PC: variants seen among roughly 807,000 people sequenced by gnomAD.
The protein encoded by PC is pyruvate carboxylase.
Under a neutral mutation model 107.8 loss-of-function variants are expected in PC, and 46 were observed. The observed-to-expected ratio is 0.43, with a 90% CI of 0.34 to 0.55. The LOEUF is 0.55. Ranked by LOEUF, PC falls within the 20% of genes least tolerant of loss-of-function variation. The pLI is 0.04. For missense variants in PC, 1,241 were observed against 1,643.1 expected (o/e 0.76, Z 4.23); for synonymous variants, 662 against 684.7 (o/e 0.97, Z 0.52).
In PC at chr11:66,873,349, TATATATTATATATA is replaced by T. The variant is rs1029403612; in HGVS notation, c.1-1204_1-1191del. On this transcript the variant is annotated intron_variant, in intron 3 of 22. Coordinates refer to ENST00000393960, the MANE Select transcript of PC (RefSeq NM_001040716.2). ...CAAGACTCCATCTTTAAAAAATATA[TATATATTATATATA>T]ATATATTATATATAAAATATAAAAT... Among the ~76,000 whole-genome samples, 14 of 115,358 alleles carry T rather than the reference TATATATTATATATA, an allele frequency of 1.2e-4. No homozygotes were observed. The South Asian group carries it at 1.8e-3, about 15-fold the overall frequency. The allele number at this position is 115,358 out of a possible 152,430, so 75.7% of individuals were successfully genotyped here.
rs1185043821 is a variant in PC at position 66,858,166 on chromosome 11, A to T, written c.1369-4783T>A. Reference sequence around the variant, plus strand: ...GGCCGCATCGCGCCGGGAGCCTTCGACGACTTCCTAGAGAGCCTGGAGGAC... The same window carrying T: ...GGCCGCATCGCGCCGGGAGCCTTCGTCGACTTCCTAGAGAGCCTGGAGGAC... On this transcript the variant is annotated intron_variant, in intron 12 of 22. Transcript: ENST00000393960. The surrounding 1 kb of genome is among the most constrained non-coding windows in gnomAD (Gnocchi z 5.9). The T allele has an allele frequency of 1.9e-6, 3 of 1,610,840 alleles. No individual in the cohort carries two copies. Among genetic ancestry groups the T allele is most frequent in the Non-Finnish European group, 2.5e-6 (3 of 1,178,820 alleles).
intron 3 of PC, among the ~76,000 whole-genome samples, chr11:66,930,739 C>CT (rs1164165321): frequency 3.4e-5 from 3 of 87,892 alleles, no homozygotes; most frequent in African/African-American, 1.3e-4. Context: ...AAGACTCTGT[C>CT]TTAAAAAAAA....
At chr11:66,885,770 C>A (rs1271730962) in intron 3 of PC, among the ~76,000 whole-genome samples, 1 of 152,152 alleles carries the variant, frequency 6.6e-6, no homozygotes, top group Non-Finnish European at 1.5e-5. Flanking sequence ...GAGAGCACGG[C>A]CCTGCTCACA....
intron 12 of PC, chr11:66,859,117 G>T: frequency 6.8e-7 from 1 of 1,476,094 alleles, no homozygotes. Context: ...CCCCACACCC[G>T]GCTGCACTCC....
chr11:66,918,707 G>T (rs573034096), intron 3 of PC, among the ~76,000 whole-genome samples: 2 of 152,048 alleles, frequency 1.3e-5, no homozygotes, highest in African/African-American at 4.8e-5. Context: ...TCTTTTTAGG[G>T]GTGTGGGTAT....
chr11:66,866,339 C>T lies in PC; in HGVS notation c.1033G>A (p.Val345Ile). 1.2e-6 allele frequency: 2 copies of T among 1,612,348 alleles called. No homozygotes were observed. Among genetic ancestry groups the T allele is most frequent in the Non-Finnish European group, 8.5e-7 (1 of 1,179,588 alleles). ...VTEEITDVDL[V>I]HAQIHVAEGR... ...TCAGCCACGTGGATCTGAGCATGGA[C>T]CAGGTCTACGCTGTAGGGCATTGGG... Residue 345 changes from valine (V) to isoleucine (I), a missense_variant, in exon 11 of 23, where the codon GTC becomes ATC. By Grantham distance (29) the Val-to-Ile change is conservative (BLOSUM62 3). Around this residue, in one of 2 missense-constraint regions of PC, gnomAD observed 1,143 missense variants for 1,551.9 expected, o/e 0.74. Transcript: ENST00000393960. This position sits in a 1 kb window ranked among gnomAD's most constrained non-coding sequence, Gnocchi z 5.4.
At chr11:66,865,683 C>T (rs1440960083) in intron 11 of PC, among the ~76,000 whole-genome samples, 2 of 152,164 alleles carry the variant, frequency 1.3e-5, no homozygotes, top group South Asian at 2.1e-4. Flanking sequence ...ATCTACCTCT[C>T]GGTCTCCCTC....
chr11:66,850,757 GCCACATCCA>G lies in PC; in HGVS notation c.2381_2389del (p.Val794_Val796del). On this transcript the variant is annotated inframe_deletion, in exon 18 of 23. Transcript: ENST00000393960. The stretch of plus-strand genomic sequence containing the variant: ...AGTCATCCCAGACATGGAATCAGCT[GCCACATCCA>G]CCACATCAGCTCCAGCCTGGGCACA... 1.9e-6 allele frequency: 3 copies of G among 1,611,410 alleles called. No homozygotes were observed. Among genetic ancestry groups the G allele is most frequent in the Non-Finnish European group, 2.5e-6 (3 of 1,179,942 alleles).
At position 66,872,025 on chromosome 11, in the gene PC, T is replaced by C; in HGVS notation, c.135A>G (p.Arg45=). Residue 45 remains arginine, a splice_region_variant and synonymous_variant, in exon 4 of 23, where the codon AGA becomes AGG. Coordinates refer to ENST00000393960, the MANE Select transcript of PC (RefSeq NM_001040716.2). ...CTCACCGGCCCCACTGGTGCTCACCTCTGTTGGCCACCATGACTTTCTTGA... is the reference window on the plus strand; with the variant it reads ...CTCACCGGCCCCACTGGTGCTCACCCCTGTTGGCCACCATGACTTTCTTGA... ...KPIKKVMVAN[R]GEIAIRVFRA... 3 of 1,559,668 alleles carry C rather than the reference T, an allele frequency of 1.9e-6. No homozygotes were observed. Among genetic ancestry groups the C allele is most frequent in the Non-Finnish European group, 1.7e-6 (2 of 1,151,688 alleles).
chr11:66,855,725 G>C (rs1945766710), intron 12 of PC, among the ~76,000 whole-genome samples: 2 of 152,210 alleles, frequency 1.3e-5, no homozygotes, highest in African/African-American at 4.8e-5. Flanking sequence ...CCAGTGAGTG[G>C]TGACAGAATG....
At chr11:66,931,384 G>GAAAAAAAAAAAA (rs60081578) in intron 3 of PC, among the ~76,000 whole-genome samples, 3 of 84,948 alleles carry the variant, frequency 3.5e-5, no homozygotes, top group Non-Finnish European at 4.6e-5. Context: ...TCCATCTCAA[G>GAAAAAAAAAAAA]AAAAAAAAAA....
intron 3 of PC, among the ~76,000 whole-genome samples, chr11:66,878,518 A>C (rs1163652666): frequency 2.6e-5 from 4 of 152,152 alleles, no homozygotes; most frequent in Admixed American, 2.6e-4. Context: ...AAAATGATGG[A>C]GTGCTGACAT....
At chr11:66,948,206 T>TA (rs905189971) in intron 3 of PC, among the ~76,000 whole-genome samples, 5,535 of 137,136 alleles carry the variant, frequency 0.04, 319 homozygotes, top group African/African-American at 0.14. Context: ...GACTCTGTCT[T>TA]AAAAAAAAAA....
intron 3 of PC, among the ~76,000 whole-genome samples, chr11:66,939,804 CAAA>C (rs56761659): frequency 2.7e-4 from 11 of 40,160 alleles, no homozygotes; most frequent in Non-Finnish European, 2.5e-4. Context: ...AACTCCGTCT[CAAA>C]AAAAAAAAAA....
At chr11:66,851,364 A>G (rs1945479304) in intron 16 of PC, 84 bp from the exon 17 acceptor site, 6 of 1,576,524 alleles carry the variant, frequency 3.8e-6, no homozygotes, top group Non-Finnish European at 5.2e-6. Flanking sequence ...GACCCACTCT[A>G]TGGCCCCTGG....
At chr11:66,913,594 G>A (rs1359159050) in intron 3 of PC, among the ~76,000 whole-genome samples, 6 of 151,454 alleles carry the variant, frequency 4.0e-5, no homozygotes, top group African/African-American at 1.5e-4. Context: ...CCTGGGAGGC[G>A]GAGGTTGCAG....
Position 66,868,852 on chromosome 11 carries a change from A to G in PC, c.1016T>C (p.Ile339Thr). The change falls in exon 10 of 23, where the codon ATC becomes ACC. Residue 339 changes from isoleucine (I) to threonine (T), a missense_variant. Physicochemically the swap from Ile to Thr is moderately conservative, Grantham distance 89. This residue lies in a region of PC where 1,143 missense variants were observed against 1,551.9 expected (regional missense o/e 0.74). Transcript: ENST00000393960. ...CCTGCCCGCCCACACTCACTCGGTG[A>G]TCTCCTCTGTGACCGTGTGCTCCAC... ...LQVEHTVTEE[I>T]TDVDLVHAQI... The G allele has an allele frequency of 6.2e-7, 1 of 1,612,014 alleles. No homozygotes were observed. The highest frequency in any genetic ancestry group is 8.5e-7 in the Non-Finnish European group (1 of 1,178,442).
chr11:66,913,817 G>A (rs1437141047), intron 3 of PC, among the ~76,000 whole-genome samples: 1 of 152,144 alleles, frequency 6.6e-6, no homozygotes, highest in East Asian at 1.9e-4. Flanking sequence ...CAACACCCGT[G>A]GCCAGAATGG....
intron 15 of PC, 34 bp from the exon 16 acceptor site, chr11:66,851,980 G>A (rs772457893): frequency 8.1e-6 from 13 of 1,610,730 alleles, no homozygotes; most frequent in East Asian, 4.5e-5. Flanking sequence ...GATCAGCTCT[G>A]CATGCCTGGG....
Sources: gnomAD v4.1 joint callset for allele counts (sites outside exome capture counted in the v4.1 genomes callset) on GRCh38, gnomAD v4.1.1 for gene constraint, gnomAD v4.1.1 regional missense constraint, Gnocchi (gnomAD v3.1) non-coding constraint, MANE v1.5 for transcripts, NCBI Gene and HGNC (gene_info 2026-07-23, HGNC 2026-07-21) for gene names.